Variants in UNC5B observed in about 807,000 individuals in gnomAD.
UNC5B encodes unc-5 netrin receptor B, also known as netrin receptor UNC5B.
In UNC5B, 56 loss-of-function variants were observed where a neutral mutation model predicts 103.7. That is an observed-to-expected ratio of 0.54 (90% CI 0.44 to 0.67). UNC5B has a LOEUF of 0.67. Among genes scored for constraint, UNC5B ranks in the 30% least tolerant of loss-of-function variants. The probability of loss-of-function intolerance (pLI) is 0.00; values close to 1 mark genes in which losing one functional copy is unlikely to be tolerated. For synonymous variants in UNC5B, 577 were observed against 542.0 expected (o/e 1.06, Z -0.90); for missense variants, 1,194 against 1,284.5 (o/e 0.93, Z 1.08).
intron 15 of UNC5B, among the ~76,000 whole-genome samples, chr10:71,297,243 T>G (rs755511571): frequency 2.6e-4 from 39 of 152,238 alleles, no homozygotes; most frequent in Non-Finnish European, 4.6e-4. Context: ...ATGCTTGGCA[T>G]ATACCAAAAA....
chr10:71,218,497 G>A (rs924384669), intron 1 of UNC5B, among the ~76,000 whole-genome samples: 1 of 152,242 alleles, frequency 6.6e-6, no homozygotes, highest in African/African-American at 2.4e-5. Context: ...TGTGAGCAGG[G>A]TTTGGCCTGA....
In UNC5B at chr10:71,293,691, C is replaced by T. The variant is rs185424286; in HGVS notation, c.1942-9C>T. 16 of 1,594,142 alleles carry T rather than the reference C, an allele frequency of 1.0e-5. No individual in the cohort carries two copies. The highest frequency in any genetic ancestry group is 1.4e-5 in the Non-Finnish European group (16 of 1,169,834). ...GTGACCACTACCCCACCCTTGCTGT[C>T]CCCTACAGGAGGTGGTGACCCTGGA... On this transcript the variant is annotated splice_polypyrimidine_tract_variant and intron_variant, in intron 12 of 16. Coordinates refer to ENST00000335350, the MANE Select transcript of UNC5B (RefSeq NM_170744.5).
At chr10:71,289,080 G>A (rs927920148) in intron 8 of UNC5B, 90 bp downstream of exon 8, 14 of 1,588,620 alleles carry the variant, frequency 8.8e-6, no homozygotes, top group Non-Finnish European at 1.0e-5. Context: ...TGCAGGGCAG[G>A]GAGAGCTGAA....
rs775845085 is a variant in UNC5B, at chr10:71,284,803, T to G, written c.388T>G (p.Cys130Gly). Residue 130 changes from cysteine (C) to glycine (G), a missense_variant, in exon 3 of 17, where the codon TGC (cysteine) becomes GGC (glycine). Cys to Gly is a radical substitution (Grantham distance 159). Coordinates refer to ENST00000335350, the MANE Select transcript of UNC5B (RefSeq NM_170744.5). Reference protein sequence around the residue: ...LFGLEDYWCQCVAWSSAGTTK... With the variant: ...LFGLEDYWCQGVAWSSAGTTK... ...TGGGCTGGAGGATTACTGGTGCCAG[T>G]GCGTGGCCTGGAGCTCCGCGGGCAC... is the stretch of plus-strand genomic sequence containing the variant. 2.5e-6 allele frequency: 4 copies of G among 1,613,870 alleles called. No homozygotes were observed. The East Asian group carries it at 8.9e-5, about 36-fold the overall frequency.
rs1844881470 is a variant in UNC5B at position 71,280,011 on chromosome 10, C to G, written c.270C>G (p.Asp90Glu). 1 of 1,613,980 alleles carries G rather than the reference C, an allele frequency of 6.2e-7. No individual in the cohort carries two copies. The highest frequency in any genetic ancestry group is 1.6e-4 in the Middle Eastern group (1 of 6,082). ...KCNGEWVSQN[D>E]HVTQEGLDEA... ...ACGGCGAGTGGGTCAGCCAGAACGA[C>G]CACGTCACACAGGAAGGCCTGGATG... The change falls in exon 2 of 17, where the codon GAC becomes GAG. Residue 90 changes from aspartate (D) to glutamate (E), a missense_variant. Coordinates refer to ENST00000335350, the MANE Select transcript of UNC5B (RefSeq NM_170744.5).
intron 1 of UNC5B, among the ~76,000 whole-genome samples, chr10:71,227,711 C>CATATATATACACACATAT (rs1564707156): frequency 5.3e-5 from 4 of 75,946 alleles, no homozygotes; most frequent in Non-Finnish European, 1.3e-4. Flanking sequence ...CACATATACA[C>CATATATATACACACATAT]ACACACACAC....
chr10:71,284,898 GA>G, intron 3 of UNC5B, 35 bp downstream of exon 3: 1 of 1,554,890 alleles, frequency 6.4e-7, no homozygotes, highest in Non-Finnish European at 8.7e-7. Context: ...GTCCCTGCAG[GA>G]ACCTTCCCCA....
At chr10:71,235,159 C>T (rs548818409) in intron 1 of UNC5B, among the ~76,000 whole-genome samples, 8 of 152,320 alleles carry the variant, frequency 5.3e-5, no homozygotes, top group African/African-American at 1.4e-4. Flanking sequence ...TCCTGTCTGG[C>T]GCCGGAGTGC....
intron 1 of UNC5B, among the ~76,000 whole-genome samples, chr10:71,278,796 A>G (rs555883800): frequency 2.6e-5 from 4 of 152,144 alleles, no homozygotes; most frequent in Non-Finnish European, 5.9e-5. Context: ...AGCTTCATTC[A>G]CTGTGTCCTC....
At position 71,288,719 on chromosome 10, in the gene UNC5B, G is replaced by A. The variant is rs1845160913; in HGVS notation, c.1053G>A (p.Gly351=). Residue 351 remains glycine, a synonymous_variant, in exon 7 of 17, where the codon GGG becomes GGA. Coordinates refer to ENST00000335350, the MANE Select transcript of UNC5B (RefSeq NM_170744.5). ...TCGACTCTAAGAACTGCACAGATGG[G>A]CTGTGCATGCAAAGTGAGTCACAGG... The part of the protein sequence containing the change: ...TLLDSKNCTD[G]LCMQNKKTLS... The A allele has an allele frequency of 4.3e-6, 7 of 1,611,354 alleles. No homozygotes were observed. The highest frequency in any genetic ancestry group is 8.5e-7 in the Non-Finnish European group (1 of 1,178,412).
rs540721859 is a variant in UNC5B, at chr10:71,248,848, G to GTC, written c.80-30954_80-30953dup. 6.8e-3 allele frequency among the ~76,000 whole-genome samples: 989 copies of GTC among 146,440 alleles called. 10 individuals carry two copies. Among genetic ancestry groups the GTC allele is most frequent in the African/African-American group, 0.024 (944 of 39,272 alleles). On this transcript the variant is annotated intron_variant, in intron 1 of 16. Coordinates refer to ENST00000335350, the MANE Select transcript of UNC5B (RefSeq NM_170744.5). ...TGGGTACAGGCTCCTCCCTCTCTCTGTCTCTCTCTCTCTCTCTCTCACACA... is the reference window on the plus strand; with the variant it reads ...TGGGTACAGGCTCCTCCCTCTCTCTGTCTCTCTCTCTCTCTCTCTCTCACACA...
At chr10:71,296,052 C>G (rs768296420) in intron 14 of UNC5B, 92 bp downstream of exon 14, 27 of 1,548,172 alleles carry the variant, frequency 1.7e-5, no homozygotes, top group Non-Finnish European at 2.1e-5. Context: ...CTAGCTCTGT[C>G]CTGTGGCCTT....
Position 71,280,897 on chromosome 10 carries a change from T to TAC in UNC5B, c.304+852_304+853insAC, listed in dbSNP as rs571834540. On this transcript the variant is annotated intron_variant, in intron 2 of 16. Coordinates refer to ENST00000335350, the MANE Select transcript of UNC5B (RefSeq NM_170744.5). Reference sequence around the variant, plus strand: ...CCAGCCTACCCCAGACTCAGGGGGCTCCCGAGTAGCCTTCCTGGGTTTTGT... The same window carrying TAC: ...CCAGCCTACCCCAGACTCAGGGGGCTACCCCGAGTAGCCTTCCTGGGTTTTGT... Among the ~76,000 whole-genome samples, 44 of 152,358 alleles carry TAC rather than the reference T, an allele frequency of 2.9e-4. No individual in the cohort carries two copies. In the South Asian group the frequency reaches 9.1e-3, roughly 32 times the overall value.
chr10:71,285,551 A>G, intron 4 of UNC5B, 122 bp downstream of exon 4: 2 of 857,878 alleles, frequency 2.3e-6, no homozygotes, highest in Non-Finnish European at 1.8e-6. Flanking sequence ...CCTTTCGCAG[A>G]TGAGATCGAG....
chr10:71,290,219 C>T (rs1178978993), intron 8 of UNC5B, among the ~76,000 whole-genome samples: 1 of 152,238 alleles, frequency 6.6e-6, no homozygotes, highest in African/African-American at 2.4e-5. Flanking sequence ...TTTTCTACCA[C>T]TGTAGAAAGC....
chr10:71,298,017 T>G lies in UNC5B; in HGVS notation c.2599T>G (p.Cys867Gly), dbSNP rs1299202850. 5.0e-6 allele frequency: 8 copies of G among 1,613,956 alleles called. No individual in the cohort carries two copies. Among genetic ancestry groups the G allele is most frequent in the Admixed American group, 1.7e-5 (1 of 60,014 alleles). Residue 867 changes from cysteine to glycine, a missense_variant, in exon 16 of 17, where the codon TGC becomes GGC. Cys to Gly is a radical substitution (Grantham distance 159). Coordinates refer to ENST00000335350, the MANE Select transcript of UNC5B (RefSeq NM_170744.5). Reference protein sequence around the residue: ...KIPLSIRQKICNSLDAPNSRG... With the variant: ...KIPLSIRQKIGNSLDAPNSRG... ...CCCACTGTCCATCCGCCAGAAGATA[T>G]GCAACAGCCTAGATGCCCCCAACTC... is the stretch of plus-strand genomic sequence containing the variant.
At chr10:71,282,339 C>T (rs1484432887) in intron 2 of UNC5B, among the ~76,000 whole-genome samples, 1 of 152,206 alleles carries the variant, frequency 6.6e-6, no homozygotes, top group African/African-American at 2.4e-5. Context: ...CTGGGCCAGG[C>T]ATTGCCATGC....
intron 7 of UNC5B, 47 bp downstream of exon 7, chr10:71,288,779 C>T: frequency 6.4e-7 from 1 of 1,558,692 alleles, no homozygotes; most frequent in Non-Finnish European, 8.7e-7. Flanking sequence ...ACTCTGGAGC[C>T]ATGTAAGGGT....
At chr10:71,248,113 A>G (rs1394859585) in intron 1 of UNC5B, among the ~76,000 whole-genome samples, 2 of 152,108 alleles carry the variant, frequency 1.3e-5, no homozygotes, top group Non-Finnish European at 2.9e-5. Context: ...GGAAGGAGAT[A>G]CTGGTTTCAC....
Sources: allele counts gnomAD v4.1 joint callset (sites outside exome capture counted in the v4.1 genomes callset), GRCh38; gene constraint gnomAD v4.1.1; transcripts MANE v1.5; gene names NCBI Gene and HGNC (gene_info 2026-07-23, HGNC 2026-07-21).